The following ZFYVE1 variants were observed in gnomAD, a reference collection of about 807,000 sequenced individuals.
The protein encoded by ZFYVE1 is zinc finger FYVE-type containing 1.
In ZFYVE1, 30 loss-of-function variants were observed where a neutral mutation model predicts 74.4. That is an observed-to-expected ratio of 0.40 (90% CI 0.30 to 0.55). The LOEUF (loss-of-function observed/expected upper bound fraction) is 0.55, where lower values mean the gene tolerates loss of function less well. Ranked by LOEUF, ZFYVE1 falls within the 20% of genes least tolerant of loss-of-function variation. The pLI, the probability that ZFYVE1 is intolerant of heterozygous loss-of-function variation, is 0.42. For synonymous variants in ZFYVE1, 335 were observed against 385.1 expected, an observed-to-expected ratio of 0.87 and a Z score of 1.52; for missense variants, 703 against 1,011.6, an observed-to-expected ratio of 0.69 and a Z score of 4.14.
intron 2 of ZFYVE1, among the ~76,000 whole-genome samples, chr14:73,002,148 A>C (rs972743466): frequency 3.9e-5 from 6 of 152,176 alleles, no homozygotes; most frequent in African/African-American, 1.4e-4. Context: ...CCTTGAAAAC[A>C]TGGTAAGTGA....
At chr14:72,974,015 C>T in intron 11 of ZFYVE1, 65 bp downstream of exon 11, 12 of 1,457,528 alleles carry the variant, frequency 8.2e-6, no homozygotes, top group South Asian at 1.1e-5. Context: ...AAAGTGACAG[C>T]CCAGGGCACC....
In ZFYVE1 at chr14:72,970,713, C is replaced by T. The variant is rs1567341938; in HGVS notation, c.*169G>A. 4 of 720,512 alleles carry T rather than the reference C, an allele frequency of 5.6e-6. No individual in the cohort carries two copies. The highest frequency in any genetic ancestry group is 6.9e-6 in the Non-Finnish European group (3 of 436,698). The allele number at this position is 720,512 out of a possible 1,614,324, so 44.6% of individuals were successfully genotyped here. ...GGTCCCCTGCCCTGAGGGGTCCACA[C>T]CTTCGGGCCTGCCGCCAGGCTCACC... On this transcript the variant is annotated 3_prime_UTR_variant, in exon 12 of 12. Transcript: ENST00000556143.
At position 73,024,119 on chromosome 14, in the gene ZFYVE1, C is replaced by T. The variant is rs762189931; in HGVS notation, c.390G>A (p.Leu130=). ...VYNVSNLQES[L]EAEEMDEETK... is the part of the protein sequence containing the mutation. ...TCTCCTCATCCATCTCTTCTGCCTC[C>T]AGTGACTCCTGGAGATTACTGACAT... The change falls in exon 2 of 12, where the codon CTG becomes CTA. Residue 130 remains leucine, a synonymous_variant. Coordinates refer to ENST00000556143, the MANE Select transcript of ZFYVE1 (RefSeq NM_021260.4). The T allele has an allele frequency of 6.2e-7, 1 of 1,614,196 alleles. No homozygotes were observed. Among genetic ancestry groups the T allele is most frequent in the African/African-American group, 1.3e-5 (1 of 75,040 alleles).
intron 4 of ZFYVE1, among the ~76,000 whole-genome samples, chr14:72,990,554 G>C (rs553938689): frequency 6.6e-6 from 1 of 151,614 alleles, no homozygotes; most frequent in Non-Finnish European, 1.5e-5. Flanking sequence ...GCACCACCAC[G>C]CGCAGCTAAT....
chr14:72,991,380 G>C (rs1218578117), intron 4 of ZFYVE1, among the ~76,000 whole-genome samples: 1 of 151,808 alleles, frequency 6.6e-6, no homozygotes, highest in Non-Finnish European at 1.5e-5. Context: ...TAGTAGAGAC[G>C]GGGTTTCACC....
At chr14:72,980,536 AATTTATTTATTTATTT>A (rs777150047) in intron 5 of ZFYVE1, among the ~76,000 whole-genome samples, 1 of 81,504 alleles carries the variant, frequency 1.2e-5, no homozygotes, top group South Asian at 4.2e-4. Flanking sequence ...AGAATTAATT[AATTTATTTATTTATTT>A]ATTTATTTAT....
intron 5 of ZFYVE1, among the ~76,000 whole-genome samples, chr14:72,980,719 C>T (rs1893306227): frequency 6.6e-6 from 1 of 152,132 alleles, no homozygotes; most frequent in South Asian, 2.1e-4. Context: ...AGGCGCCGGC[C>T]ACCGTGCCAG....
chr14:73,018,740 A>C (rs188905514), intron 2 of ZFYVE1, among the ~76,000 whole-genome samples: 103 of 152,224 alleles, frequency 6.8e-4, no homozygotes, highest in Non-Finnish European at 1.1e-3. Flanking sequence ...TCACGAGTTC[A>C]AGACCAGCGT....
chr14:73,022,915 C>T (rs1488541895), intron 2 of ZFYVE1, among the ~76,000 whole-genome samples: 1 of 151,968 alleles, frequency 6.6e-6, no homozygotes, highest in African/African-American at 2.4e-5. Context: ...GTAATCCCAG[C>T]ACTCTGGGAG....
At chr14:72,987,075 T>C (rs545670619) in intron 4 of ZFYVE1, 333 of 524,094 alleles carry the variant, frequency 6.4e-4, no homozygotes, top group Admixed American at 2.0e-3. Context: ...AGTGTGGCTC[T>C]TTCTATTGTA....
intron 5 of ZFYVE1, among the ~76,000 whole-genome samples, chr14:72,980,270 G>A (rs1893286390): frequency 6.6e-6 from 1 of 152,220 alleles, no homozygotes; most frequent in Non-Finnish European, 1.5e-5. Flanking sequence ...CATAACAGAT[G>A]TAGGTCAGGT....
intron 3 of ZFYVE1, 25 bp from the exon 4 acceptor site, chr14:72,993,382 A>T: frequency 6.4e-7 from 1 of 1,571,538 alleles, no homozygotes; most frequent in East Asian, 2.3e-5. Context: ...ACACAGGCAC[A>T]TGGGTAGTGA....
At chr14:72,993,378 G>A (rs1455778502) in intron 3 of ZFYVE1, 21 bp from the exon 4 acceptor site, 2 of 1,588,214 alleles carry the variant, frequency 1.3e-6, no homozygotes, top group East Asian at 2.2e-5. Flanking sequence ...AGAAACACAG[G>A]CACATGGGTA....
chr14:73,014,688 A>C (rs1472433041), intron 2 of ZFYVE1, among the ~76,000 whole-genome samples: 1 of 152,248 alleles, frequency 6.6e-6, no homozygotes, highest in Non-Finnish European at 1.5e-5. Flanking sequence ...AAAATGGGAA[A>C]ATTCAACAAT....
At chr14:73,021,311 G>A (rs1478112665) in intron 2 of ZFYVE1, among the ~76,000 whole-genome samples, 2 of 151,860 alleles carry the variant, frequency 1.3e-5, no homozygotes, top group East Asian at 3.9e-4. Flanking sequence ...TTGTGCCACT[G>A]CACTCCAGCC....
chr14:73,021,451 A>G (rs1362956016), intron 2 of ZFYVE1, among the ~76,000 whole-genome samples: 1 of 152,286 alleles, frequency 6.6e-6, no homozygotes, highest in African/African-American at 2.4e-5. Flanking sequence ...CAATGTGTTT[A>G]CCACTGTACA....
chr14:72,988,094 G>A (rs1893524119), intron 4 of ZFYVE1, among the ~76,000 whole-genome samples: 1 of 151,854 alleles, frequency 6.6e-6, no homozygotes, highest in South Asian at 2.1e-4. Flanking sequence ...AACACAAAAA[G>A]TAGTACTTTG....
intron 2 of ZFYVE1, among the ~76,000 whole-genome samples, chr14:73,006,034 G>C (rs570699226): frequency 2.0e-5 from 3 of 152,010 alleles, no homozygotes; most frequent in African/African-American, 7.2e-5. Context: ...CCATTCTCCT[G>C]CCTCAGCCTT....
At position 72,970,240 on chromosome 14, in the gene ZFYVE1, C is replaced by T. The variant is rs1261741776; in HGVS notation, c.*642G>A. 1 of 166,624 alleles carries T rather than the reference C, an allele frequency of 6.0e-6. No homozygotes were observed. The highest frequency in any genetic ancestry group is 1.3e-5 in the Non-Finnish European group (1 of 75,848). The allele number at this position is 166,624 out of a possible 1,614,324, so 10.3% of individuals were successfully genotyped here. A position where few individuals can be genotyped will look rare whatever the true frequency, so the allele number is the denominator to read the frequency against. ...TCTGACCCTCCACCCACTCCGGTGA[C>T]CTGCACGCTAAGTTGGGTGGTCTCT... On this transcript the variant is annotated 3_prime_UTR_variant, in exon 12 of 12. Coordinates refer to ENST00000556143, the MANE Select transcript of ZFYVE1 (RefSeq NM_021260.4).
Sources: gnomAD v4.1 joint callset for allele counts (sites outside exome capture counted in the v4.1 genomes callset) on GRCh38, gnomAD v4.1.1 for gene constraint, MANE v1.5 for transcripts, NCBI Gene and HGNC (gene_info 2026-07-23, HGNC 2026-07-21) for gene names.